Variants in ATF6 observed in about 807,000 individuals in gnomAD.
ATF6 encodes the protein cyclic AMP-dependent transcription factor ATF-6 alpha.
A neutral mutation model predicts 83.6 loss-of-function variants in ATF6; 53 were observed. The observed-to-expected ratio is 0.63, with a 90% CI of 0.51 to 0.80. The LOEUF (loss-of-function observed/expected upper bound fraction) is 0.80. ATF6 is among the 30% of genes least tolerant of loss of function. ATF6 has a pLI of 0.00. For missense variants in ATF6, 744 were observed against 797.9 expected (o/e 0.93, Z 0.81); for synonymous variants, 288 against 285.8 (o/e 1.01, Z -0.08).
At chr1:161,790,950 T>C (rs1684861364) in intron 4 of ATF6, among the ~76,000 whole-genome samples, 1 of 152,202 alleles carries the variant, frequency 6.6e-6, no homozygotes, top group South Asian at 2.1e-4. Flanking sequence ...TATTTTGCTT[T>C]TGATATTCTT....
In ATF6 at chr1:161,958,443, C is replaced by T; in HGVS notation, c.1805-3C>T. The T allele has an allele frequency of 6.3e-7, 1 of 1,596,066 alleles. No individual in the cohort carries two copies. Among genetic ancestry groups the T allele is most frequent in the Non-Finnish European group, 8.5e-7 (1 of 1,170,258 alleles). On this transcript the variant is annotated splice_region_variant and splice_polypyrimidine_tract_variant and intron_variant, in intron 15 of 15. Coordinates refer to ENST00000367942, the MANE Select transcript of ATF6 (RefSeq NM_007348.4). Reference sequence around the variant, plus strand: ...TATTCTTTGTGTATATTCCTGTCTGCAGAGAATGTGATCAATGGGCAGGAC... The same window carrying T: ...TATTCTTTGTGTATATTCCTGTCTGTAGAGAATGTGATCAATGGGCAGGAC...
intron 15 of ATF6, among the ~76,000 whole-genome samples, chr1:161,933,735 C>T (rs1688479912): frequency 6.6e-6 from 1 of 152,190 alleles, no homozygotes; most frequent in Non-Finnish European, 1.5e-5. Flanking sequence ...TTTGGCCTCC[C>T]ATAGCTCAGT....
chr1:161,848,793 A>G (rs1025666344), intron 10 of ATF6, among the ~76,000 whole-genome samples: 1 of 152,122 alleles, frequency 6.6e-6, no homozygotes, highest in South Asian at 2.1e-4. Context: ...TTCTCTTGGC[A>G]TAAAATGTTT....
chr1:161,880,962 T>A (rs1687312764), intron 14 of ATF6, among the ~76,000 whole-genome samples: 1 of 152,184 alleles, frequency 6.6e-6, no homozygotes. Context: ...TGTAGTGGTA[T>A]CTCATTGTGG....
At chr1:161,936,946 ACCCATTTTG>A (rs774739360) in intron 15 of ATF6, among the ~76,000 whole-genome samples, 79 of 151,824 alleles carry the variant, frequency 5.2e-4, no homozygotes, top group Non-Finnish European at 1.5e-4. Flanking sequence ...GTCATCCTTG[ACCCATTTTG>A]TTTCCTCCCA....
intron 6 of ATF6, among the ~76,000 whole-genome samples, chr1:161,800,030 G>C (rs1056362776): frequency 2.0e-5 from 3 of 152,126 alleles, no homozygotes; most frequent in Non-Finnish European, 4.4e-5. Flanking sequence ...TCAAGCAGCT[G>C]TGGATGTTAG....
chr1:161,797,626 ATC>A (rs1283619367), intron 6 of ATF6, among the ~76,000 whole-genome samples: 1 of 152,188 alleles, frequency 6.6e-6, no homozygotes, highest in Admixed American at 6.5e-5. Flanking sequence ...GAGGTGAAAG[ATC>A]TCTACAATGA....
chr1:161,920,292 C>CTTTTTTT (rs1322896918), intron 15 of ATF6, among the ~76,000 whole-genome samples: 2 of 19,800 alleles, frequency 1.0e-4, no homozygotes, highest in African/African-American at 3.6e-4. Context: ...CTCTCTCTCT[C>CTTTTTTT]TCTTTTTTTT....
intron 12 of ATF6, among the ~76,000 whole-genome samples, chr1:161,854,612 C>T (rs1328268417): frequency 1.3e-5 from 2 of 152,228 alleles, no homozygotes; most frequent in Non-Finnish European, 2.9e-5. Context: ...TGGCTCACGC[C>T]TGTAATCCCA....
intron 15 of ATF6, among the ~76,000 whole-genome samples, chr1:161,933,044 A>G (rs560404487): frequency 1.3e-5 from 2 of 152,310 alleles, no homozygotes; most frequent in Admixed American, 1.3e-4. Flanking sequence ...CAGAGTTGAT[A>G]TATCATCACT....
chr1:161,919,589 C>A (rs1056791458), intron 15 of ATF6, among the ~76,000 whole-genome samples: 1 of 152,154 alleles, frequency 6.6e-6, no homozygotes, highest in Non-Finnish European at 1.5e-5. Flanking sequence ...ATTCTATGAA[C>A]AAGCCATCAG....
At chr1:161,857,775 A>G (rs932698048) in intron 12 of ATF6, among the ~76,000 whole-genome samples, 4 of 151,830 alleles carry the variant, frequency 2.6e-5, no homozygotes, top group African/African-American at 4.8e-5. Context: ...TGGGGTTTAC[A>G]GCTTATATAG....
rs569756418 is a variant in ATF6 at position 161,822,798 on chromosome 1, G to A, written c.1187+1637G>A. 7.9e-5 allele frequency among the ~76,000 whole-genome samples: 12 copies of A among 152,282 alleles called. No homozygotes were observed. The South Asian group carries it at 2.3e-3, about 29-fold the overall frequency. ...GGCAAGGTTTCTCTGAGAAAGAGGT[G>A]ATTGTGTTAACATCTAAAAGAAGAT... is the stretch of plus-strand genomic sequence containing the variant. On this transcript the variant is annotated intron_variant, in intron 9 of 15. Transcript: ENST00000367942.
chr1:161,865,313 C>T (rs1479782974), intron 14 of ATF6, among the ~76,000 whole-genome samples: 1 of 152,104 alleles, frequency 6.6e-6, no homozygotes, highest in East Asian at 1.9e-4. Flanking sequence ...CCGCATGCCA[C>T]CATGCCTGGC....
At chr1:161,866,770 G>T (rs79827863) in intron 14 of ATF6, among the ~76,000 whole-genome samples, 1 of 152,112 alleles carries the variant, frequency 6.6e-6, no homozygotes, top group South Asian at 2.1e-4. Context: ...TTTGTTTTAA[G>T]AGACAAGGTC....
At chr1:161,791,086 C>CTG (rs758372809) in intron 4 of ATF6, among the ~76,000 whole-genome samples, 32 of 86,270 alleles carry the variant, frequency 3.7e-4, no homozygotes, top group East Asian at 2.7e-3. Flanking sequence ...GTGTGTGTCT[C>CTG]TGTGTGTGTG....
intron 14 of ATF6, among the ~76,000 whole-genome samples, chr1:161,910,542 C>T (rs1687970367): frequency 6.6e-6 from 1 of 152,208 alleles, no homozygotes; most frequent in South Asian, 2.1e-4. Context: ...AGTATGGCAT[C>T]TGTATCTTAG....
At chr1:161,847,706 G>A (rs578197625) in intron 10 of ATF6, among the ~76,000 whole-genome samples, 3 of 151,938 alleles carry the variant, frequency 2.0e-5, no homozygotes, top group African/African-American at 7.3e-5. Context: ...TTTGCCCTAC[G>A]TGTTCTATAA....
chr1:161,805,010 A>G (rs1369382291), intron 7 of ATF6, among the ~76,000 whole-genome samples: 1 of 152,118 alleles, frequency 6.6e-6, no homozygotes, highest in East Asian at 1.9e-4. Flanking sequence ...TAGAACCAAT[A>G]AATACTGCTA....
Sources: gnomAD v4.1 joint callset for allele counts (sites outside exome capture counted in the v4.1 genomes callset) on GRCh38, gnomAD v4.1.1 for gene constraint, MANE v1.5 for transcripts, NCBI Gene and HGNC (gene_info 2026-07-23, HGNC 2026-07-21) for gene names.